The following PTPRD variants were observed in gnomAD, a reference collection of about 807,000 sequenced individuals.
The protein encoded by PTPRD is protein tyrosine phosphatase receptor type D, also known as receptor-type tyrosine-protein phosphatase delta.
In PTPRD, 34 loss-of-function variants were observed where a neutral mutation model predicts 214.5. The ratio of observed to expected loss-of-function variants is 0.16; its 90% CI spans 0.12 to 0.21. The LOEUF (loss-of-function observed/expected upper bound fraction) is 0.21. Ranked by LOEUF, PTPRD falls within the 10% of genes least tolerant of loss-of-function variation. The probability of loss-of-function intolerance (pLI) is 1.00; values close to 1 mark genes in which losing one functional copy is unlikely to be tolerated. For missense variants in PTPRD, 2,545 were observed against 2,398.7 expected, an observed-to-expected ratio of 1.06 and a Z score of -1.27; for synonymous variants, 1,128 against 845.7, an observed-to-expected ratio of 1.33 and a Z score of -5.79.
intron 9 of PTPRD, among the ~76,000 whole-genome samples, chr9:9,296,690 G>A (rs890532672): frequency 6.6e-6 from 1 of 151,684 alleles, no homozygotes; most frequent in Non-Finnish European, 1.5e-5. Context: ...AAGAGGACTG[G>A]AGCTTTTCAA....
chr9:9,766,308 T>C (rs2154479138), intron 6 of PTPRD, among the ~76,000 whole-genome samples: 1 of 152,342 alleles, frequency 6.6e-6, no homozygotes, highest in South Asian at 2.1e-4. Flanking sequence ...ATCTTTCATG[T>C]AGTACGTTTA....
chr9:9,428,082 T>G (rs114066657), intron 8 of PTPRD, among the ~76,000 whole-genome samples: 2 of 152,118 alleles, frequency 1.3e-5, no homozygotes, highest in East Asian at 3.9e-4. Context: ...TAAATGTATA[T>G]GGGCTAAATG....
At chr9:8,967,183 T>G (rs2099201986) in intron 11 of PTPRD, among the ~76,000 whole-genome samples, 1 of 151,796 alleles carries the variant, frequency 6.6e-6, no homozygotes, top group African/African-American at 2.4e-5. Flanking sequence ...AAGGGAATGC[T>G]TATACACTGT....
chr9:9,716,587 C>T (rs1169968581), intron 7 of PTPRD, among the ~76,000 whole-genome samples: 1 of 152,170 alleles, frequency 6.6e-6, no homozygotes, highest in Non-Finnish European at 1.5e-5. Context: ...TTTTGATTTG[C>T]ATTTCTCTGA....
chr9:9,826,266 C>G (rs1176804371), intron 5 of PTPRD, among the ~76,000 whole-genome samples: 1 of 151,728 alleles, frequency 6.6e-6, no homozygotes, highest in Non-Finnish European at 1.5e-5. Flanking sequence ...CTAGTTCAGT[C>G]TTCATTTCTG....
chr9:9,465,460 G>A (rs1386877191), intron 8 of PTPRD, among the ~76,000 whole-genome samples: 1 of 152,148 alleles, frequency 6.6e-6, no homozygotes, highest in Non-Finnish European at 1.5e-5. Context: ...TTACTCAAGT[G>A]TAAGAATATA....
intron 8 of PTPRD, among the ~76,000 whole-genome samples, chr9:9,557,308 A>G (rs2081781627): frequency 1.3e-5 from 2 of 152,132 alleles, no homozygotes; most frequent in African/African-American, 4.8e-5. Context: ...ATTAACATTA[A>G]AACAGAGATC....
At chr9:9,719,075 T>G (rs1047783640) in intron 7 of PTPRD, among the ~76,000 whole-genome samples, 4 of 152,138 alleles carry the variant, frequency 2.6e-5, no homozygotes, top group Admixed American at 6.5e-5. Flanking sequence ...AGTTGAATGG[T>G]GCTTTTTCCA....
chr9:9,396,159 T>A (rs1331884267), intron 9 of PTPRD, among the ~76,000 whole-genome samples: 1 of 151,994 alleles, frequency 6.6e-6, no homozygotes, highest in Non-Finnish European at 1.5e-5. Flanking sequence ...AATCTTAAGA[T>A]AATCTTTGAA....
chr9:8,789,447 A>C (rs1483704372), intron 11 of PTPRD, among the ~76,000 whole-genome samples: 1 of 152,168 alleles, frequency 6.6e-6, no homozygotes, highest in East Asian at 1.9e-4. Flanking sequence ...AAAATGTATG[A>C]ATTGATGTAC....
intron 3 of PTPRD, among the ~76,000 whole-genome samples, chr9:10,080,060 CAA>C (rs1217015230): frequency 6.6e-6 from 1 of 150,778 alleles, no homozygotes; most frequent in Non-Finnish European, 1.5e-5. Context: ...ACAACAAACA[CAA>C]ATAGAGAAGA....
At position 8,652,799 on chromosome 9, in the gene PTPRD, G is replaced by C. The variant is rs147474699; in HGVS notation, c.65-15955C>G. Among the ~76,000 whole-genome samples the C allele has an allele frequency of 1.2e-3, 185 of 152,240 alleles. 2 individuals carry two copies. Among genetic ancestry groups the C allele is most frequent in the African/African-American group, 4.3e-3 (179 of 41,542 alleles). ...GAAGAAAATGCTTTCTTGTATTTGA[G>C]TAACAGAAGCATTTGGGAATGTATG... On this transcript the variant is annotated intron_variant, in intron 12 of 45. Coordinates refer to ENST00000381196, the MANE Select transcript of PTPRD (RefSeq NM_002839.4).
intron 14 of PTPRD, among the ~76,000 whole-genome samples, chr9:8,615,271 C>G (rs2095574607): frequency 6.6e-6 from 1 of 152,098 alleles, no homozygotes; most frequent in Non-Finnish European, 1.5e-5. Context: ...GAGAATATAC[C>G]TCCAAGTCTG....
intron 11 of PTPRD, among the ~76,000 whole-genome samples, chr9:8,956,765 G>C (rs986707153): frequency 2.0e-5 from 3 of 151,754 alleles, no homozygotes; most frequent in Admixed American, 6.6e-5. Flanking sequence ...AAATATACCT[G>C]CAATAGGAGA....
At chr9:9,779,800 G>A (rs186712880) in intron 5 of PTPRD, among the ~76,000 whole-genome samples, 51 of 152,290 alleles carry the variant, frequency 3.3e-4, no homozygotes, top group Non-Finnish European at 7.4e-5. Context: ...TACCAGCTAT[G>A]TAAATTAGTA....
At chr9:10,038,450 T>G (rs1338731999) in intron 3 of PTPRD, among the ~76,000 whole-genome samples, 1 of 152,118 alleles carries the variant, frequency 6.6e-6, no homozygotes, top group African/African-American at 2.4e-5. Context: ...GTGTTCTCTA[T>G]CTCAGTGAAC....
rs118028119 is a variant in PTPRD, at chr9:9,193,268, G to T, written c.-202-9905C>A. ...GGTCATGAATATTGCTTTACTCAAGGTCAGATACAATCTTTAAAAATCATA... is the reference window on the plus strand; with the variant it reads ...GGTCATGAATATTGCTTTACTCAAGTTCAGATACAATCTTTAAAAATCATA... On this transcript the variant is annotated intron_variant, in intron 9 of 45. Transcript: ENST00000381196. 1.1e-3 allele frequency among the ~76,000 whole-genome samples: 171 copies of T among 152,156 alleles called. 1 individual carries two copies. The East Asian group carries it at 0.032, about 28-fold the overall frequency.
At chr9:9,793,816 A>G (rs887034803) in intron 5 of PTPRD, among the ~76,000 whole-genome samples, 1 of 152,122 alleles carries the variant, frequency 6.6e-6, no homozygotes, top group African/African-American at 2.4e-5. Context: ...TAATAAATGG[A>G]CAAAAAGTAT....
intron 11 of PTPRD, among the ~76,000 whole-genome samples, chr9:8,913,510 G>A (rs1297126752): frequency 6.6e-6 from 1 of 152,070 alleles, no homozygotes; most frequent in Non-Finnish European, 1.5e-5. Flanking sequence ...TCTATTCTGA[G>A]TCTGCATACA....
Sources: allele counts gnomAD v4.1 joint callset (sites outside exome capture counted in the v4.1 genomes callset), GRCh38; gene constraint gnomAD v4.1.1; transcripts MANE v1.5; gene names NCBI Gene and HGNC (gene_info 2026-07-23, HGNC 2026-07-21).